NMBR: variants seen among roughly 807,000 people sequenced by gnomAD.
NMBR encodes neuromedin B receptor.
NMBR carries 16 observed loss-of-function variants against 20.5 expected under a neutral mutation model. The observed-to-expected ratio is 0.78, with a 90% CI of 0.53 to 1.19. The LOEUF is 1.19. Among genes scored for constraint, NMBR ranks in the 50% most tolerant of loss-of-function variants. The pLI, the probability that NMBR is intolerant of heterozygous loss-of-function variation, is 0.00. For missense variants in NMBR, 582 were observed against 499.1 expected, an observed-to-expected ratio of 1.17 and a Z score of -1.58; for synonymous variants, 212 against 196.6, an observed-to-expected ratio of 1.08 and a Z score of -0.65.
At chr6:142,081,814 T>C (rs1777103636) in intron 2 of NMBR, among the ~76,000 whole-genome samples, 1 of 152,190 alleles carries the variant, frequency 6.6e-6, no homozygotes, top group African/African-American at 2.4e-5. Context: ...AGCAGGTATG[T>C]GTAAAAAGGT....
At chr6:142,107,754 A>G (rs1248066196) in intron 1 of NMBR, among the ~76,000 whole-genome samples, 4 of 152,156 alleles carry the variant, frequency 2.6e-5, no homozygotes, top group Non-Finnish European at 5.9e-5. Flanking sequence ...CAAATGTCAA[A>G]CTTAGCAGAA....
intron 1 of NMBR, among the ~76,000 whole-genome samples, chr6:142,129,695 T>C (rs1305036580): frequency 1.3e-5 from 2 of 152,130 alleles, no homozygotes; most frequent in African/African-American, 2.4e-5. Flanking sequence ...CTCAAGGAAG[T>C]AGTGACTCTT....
chr6:142,095,993 G>A (rs1701719229), intron 1 of NMBR, among the ~76,000 whole-genome samples: 1 of 151,852 alleles, frequency 6.6e-6, no homozygotes, highest in African/African-American at 2.4e-5. Context: ...GGGGTTGGTG[G>A]TGATATCCCC....
At chr6:142,098,266 C>T (rs558150294) in intron 1 of NMBR, among the ~76,000 whole-genome samples, 3 of 152,152 alleles carry the variant, frequency 2.0e-5, no homozygotes, top group Non-Finnish European at 4.4e-5. Context: ...TTGCTAACAT[C>T]GGGGATGAAG....
intron 1 of NMBR, among the ~76,000 whole-genome samples, chr6:142,129,586 A>G (rs2114605360): frequency 6.6e-6 from 1 of 152,218 alleles, no homozygotes; most frequent in African/African-American, 2.4e-5. Flanking sequence ...ACAGAGAGAG[A>G]GAGAGAGAAA....
rs1267431587 is a variant in NMBR at position 142,127,437 on chromosome 6, T to A, written c.-664+19607A>T. Reference sequence around the variant, plus strand: ...AGGAAGTATGATGCCTCCAGCTTTGTTTTTCTTGATCAAGATTGCTTTGGT... The same window carrying A: ...AGGAAGTATGATGCCTCCAGCTTTGATTTTCTTGATCAAGATTGCTTTGGT... On this transcript the variant is annotated intron_variant, in intron 1 of 3. Coordinates refer to ENST00000258042, the MANE Select transcript of NMBR (RefSeq NM_002511.4). Among the ~76,000 whole-genome samples the A allele has an allele frequency of 2.0e-5, 3 of 152,082 alleles. No homozygotes were observed. The East Asian group carries it at 5.8e-4, about 29-fold the overall frequency.
chr6:142,140,043 T>C (rs895814153), intron 1 of NMBR, among the ~76,000 whole-genome samples: 3 of 152,108 alleles, frequency 2.0e-5, no homozygotes, highest in African/African-American at 4.8e-5. Flanking sequence ...CTATGAGATA[T>C]GAGCAAATTC....
chr6:142,093,026 G>C (rs1434851503), intron 1 of NMBR, among the ~76,000 whole-genome samples: 2 of 152,008 alleles, frequency 1.3e-5, no homozygotes. Flanking sequence ...TTGTAGTTAG[G>C]AAAAATTAAC....
At chr6:142,110,048 A>G (rs936790397) in intron 1 of NMBR, among the ~76,000 whole-genome samples, 10 of 152,192 alleles carry the variant, frequency 6.6e-5, no homozygotes, top group African/African-American at 2.4e-4. Context: ...ACAGATGGCT[A>G]CGACCAAATA....
At chr6:142,078,485 C>T in intron 3 of NMBR, 70 bp downstream of exon 3, 2 of 889,666 alleles carry the variant, frequency 2.2e-6, no homozygotes, top group South Asian at 1.7e-5. Flanking sequence ...TAAAAGCCCA[C>T]AAAATAAAAC....
At chr6:142,078,319 G>A (rs1332872840) in intron 3 of NMBR, among the ~76,000 whole-genome samples, 1 of 152,194 alleles carries the variant, frequency 6.6e-6, no homozygotes, top group Non-Finnish European at 1.5e-5. Flanking sequence ...TTCTAATGGT[G>A]GAATGTCAGG....
intron 1 of NMBR, among the ~76,000 whole-genome samples, chr6:142,116,564 A>G (rs376411177): frequency 2.6e-5 from 4 of 152,116 alleles, no homozygotes; most frequent in East Asian, 1.9e-4. Context: ...AATCCCTTAT[A>G]TCATATCTGT....
intron 1 of NMBR, among the ~76,000 whole-genome samples, chr6:142,117,511 GC>G: frequency 6.6e-6 from 1 of 151,964 alleles, no homozygotes; most frequent in South Asian, 2.1e-4. Flanking sequence ...GCTTTCAAAA[GC>G]TAAATTTGTC....
intron 1 of NMBR, among the ~76,000 whole-genome samples, chr6:142,140,993 C>T (rs1778352204): frequency 6.6e-6 from 1 of 152,138 alleles, no homozygotes; most frequent in Non-Finnish European, 1.5e-5. Flanking sequence ...AAGATTTCAA[C>T]ACTTCTCTCT....
rs991195144 is a variant in NMBR, at chr6:142,137,664, G to A, written c.-664+9380C>T. On this transcript the variant is annotated intron_variant, in intron 1 of 3. Transcript: ENST00000258042. ...GATAGCTCTTATTATTTTGAGATAA[G>A]TCCCATCAATACCTAATTTCTTGAG... Among the ~76,000 whole-genome samples the A allele has an allele frequency of 1.1e-4, 17 of 152,264 alleles. No individual in the cohort carries two copies. In the South Asian group the frequency reaches 2.5e-3, roughly 22 times the overall value.
chr6:142,095,903 T>G (rs1205879849), intron 1 of NMBR, among the ~76,000 whole-genome samples: 3 of 152,194 alleles, frequency 2.0e-5, no homozygotes, highest in Non-Finnish European at 4.4e-5. Context: ...GTCAAGGAAT[T>G]TATCCATTTC....
chr6:142,079,670 C>A lies in NMBR; in HGVS notation c.423-767G>T, dbSNP rs546843366. ...CTAGATTGGTCATACTACATTTTGACAAAATAAAATAAATAAAAGACTCAT... is the reference window on the plus strand; with the variant it reads ...CTAGATTGGTCATACTACATTTTGAAAAAATAAAATAAATAAAAGACTCAT... On this transcript the variant is annotated intron_variant, in intron 2 of 3. Coordinates refer to ENST00000258042, the MANE Select transcript of NMBR (RefSeq NM_002511.4). Among the ~76,000 whole-genome samples the A allele has an allele frequency of 1.5e-4, 23 of 152,038 alleles. No individual in the cohort carries two copies. In the South Asian group the frequency reaches 2.9e-3, roughly 19 times the overall value.
intron 1 of NMBR, chr6:142,133,140 G>A: frequency 1.5e-6 from 1 of 665,904 alleles, no homozygotes; most frequent in South Asian, 1.6e-5. Flanking sequence ...AGGAATGCCA[G>A]GATAACATCT....
At chr6:142,090,882 G>C (rs577951069) in intron 1 of NMBR, among the ~76,000 whole-genome samples, 5 of 151,762 alleles carry the variant, frequency 3.3e-5, no homozygotes, top group African/African-American at 1.2e-4. Context: ...TCTCCTCCTT[G>C]TGTCTGTGTG....
Sources: gnomAD v4.1 joint callset for allele counts (sites outside exome capture counted in the v4.1 genomes callset) on GRCh38, gnomAD v4.1.1 for gene constraint, MANE v1.5 for transcripts, NCBI Gene and HGNC (gene_info 2026-07-23, HGNC 2026-07-21) for gene names.